NAALADL2: variants seen among roughly 807,000 people sequenced by gnomAD.
NAALADL2 encodes the protein N-acetylated alpha-linked acidic dipeptidase like 2.
NAALADL2 carries 76 observed loss-of-function variants against 87.2 expected under a neutral mutation model. The ratio of observed to expected loss-of-function variants is 0.87; its 90% CI spans 0.72 to 1.05. The LOEUF is 1.05. Ranked by LOEUF, NAALADL2 falls within the 50% of genes least tolerant of loss-of-function variation. The pLI, the probability that NAALADL2 is intolerant of heterozygous loss-of-function variation, is 0.00. For synonymous variants in NAALADL2, 354 were observed against 331.0 expected (o/e 1.07, Z -0.75); for missense variants, 1,089 against 945.8 (o/e 1.15, Z -1.99).
intron 3 of NAALADL2, among the ~76,000 whole-genome samples, chr3:175,249,189 G>T (rs1325820648): frequency 6.6e-6 from 1 of 151,904 alleles, no homozygotes; most frequent in Non-Finnish European, 1.5e-5. Context: ...TATTAATAAG[G>T]TAGACACTTT....
intron 1 of NAALADL2, chr3:175,059,831 G>T: frequency 3.2e-6 from 1 of 311,314 alleles, no homozygotes; most frequent in Non-Finnish European, 6.5e-6. Flanking sequence ...TGGAAGGCTG[G>T]CCTTTTCTTT....
At chr3:175,025,567 G>A (rs1752127013) in intron 1 of NAALADL2, among the ~76,000 whole-genome samples, 1 of 152,068 alleles carries the variant, frequency 6.6e-6, no homozygotes, top group Non-Finnish European at 1.5e-5. Flanking sequence ...ATCAAAGAAA[G>A]TACCTTCAAA....
chr3:175,313,618 A>G (rs1758666367), intron 4 of NAALADL2, among the ~76,000 whole-genome samples: 1 of 152,222 alleles, frequency 6.6e-6, no homozygotes, highest in Non-Finnish European at 1.5e-5. Context: ...ACGAAATCCT[A>G]CCTGTGGAAT....
At chr3:175,218,068 AT>A (rs1366688502) in intron 2 of NAALADL2, 2 of 424,824 alleles carry the variant, frequency 4.7e-6, no homozygotes, top group Non-Finnish European at 9.3e-6. Context: ...TTTTGGCTAA[AT>A]TTTTAGGATA....
intron 5 of NAALADL2, among the ~76,000 whole-genome samples, chr3:175,354,062 C>A (rs1455859834): frequency 6.6e-6 from 1 of 152,148 alleles, no homozygotes; most frequent in Non-Finnish European, 1.5e-5. Context: ...ACCTGTGTCC[C>A]ATCTTCACTC....
In NAALADL2 at chr3:175,794,149, A is replaced by C. The variant is rs149044910; in HGVS notation, c.2190-8856A>C. Among the ~76,000 whole-genome samples the C allele has an allele frequency of 1.2e-3, 189 of 152,322 alleles. 2 individuals are homozygous for C. Among genetic ancestry groups the C allele is most frequent in the Admixed American group, 9.0e-3 (138 of 15,296 alleles). Reference sequence around the variant, plus strand: ...CTGGAGTGCAGATGAAACGAAATGCATCTTTATATTAATTGTCAAAAGCCT... The same window carrying C: ...CTGGAGTGCAGATGAAACGAAATGCCTCTTTATATTAATTGTCAAAAGCCT... On this transcript the variant is annotated intron_variant, in intron 13 of 13. Transcript: ENST00000454872.
At chr3:174,473,577 T>A (rs1717038326) in intron 1 of NAALADL2, among the ~76,000 whole-genome samples, 1 of 152,202 alleles carries the variant, frequency 6.6e-6, no homozygotes, top group Non-Finnish European at 1.5e-5. Context: ...AGATATAATA[T>A]GCCTAAACAT....
At chr3:174,732,945 A>C (rs1038215476) in intron 2 of NAALADL2, among the ~76,000 whole-genome samples, 1 of 152,210 alleles carries the variant, frequency 6.6e-6, no homozygotes, top group African/African-American at 2.4e-5. Context: ...GTATTAAGCC[A>C]CCATCAGAAT....
At chr3:175,428,794 C>T (rs1717250119) in intron 5 of NAALADL2, among the ~76,000 whole-genome samples, 2 of 152,046 alleles carry the variant, frequency 1.3e-5, no homozygotes, top group Admixed American at 1.3e-4. Context: ...CATAAACAAG[C>T]TTTCAAAACC....
At chr3:175,441,278 T>C (rs997052182) in intron 5 of NAALADL2, among the ~76,000 whole-genome samples, 8 of 152,158 alleles carry the variant, frequency 5.3e-5, no homozygotes, top group African/African-American at 1.9e-4. Context: ...AATTAAATGA[T>C]ATGTAGGCAT....
chr3:174,806,903 A>T (rs1478704807), intron 3 of NAALADL2, among the ~76,000 whole-genome samples: 2 of 152,148 alleles, frequency 1.3e-5, no homozygotes, highest in African/African-American at 2.4e-5. Flanking sequence ...TTAGGTCCTT[A>T]TAGCCATCTA....
chr3:175,126,257 AG>A (rs1286228313), intron 2 of NAALADL2, among the ~76,000 whole-genome samples: 1 of 152,166 alleles, frequency 6.6e-6, no homozygotes, highest in Non-Finnish European at 1.5e-5. Flanking sequence ...CGATTGACTT[AG>A]GAAAAAAAGC....
At chr3:175,108,080 G>A (rs1362366171) in intron 2 of NAALADL2, among the ~76,000 whole-genome samples, 2 of 151,756 alleles carry the variant, frequency 1.3e-5, no homozygotes, top group Non-Finnish European at 2.9e-5. Context: ...TGTTATATCT[G>A]GGTCTTTTAC....
At chr3:175,541,702 G>T (rs548449752) in intron 9 of NAALADL2, among the ~76,000 whole-genome samples, 34 of 152,128 alleles carry the variant, frequency 2.2e-4, no homozygotes, top group Non-Finnish European at 4.1e-4. Flanking sequence ...ATATTTGTGT[G>T]CAGTTGTTTG....
At chr3:175,774,429 T>C (rs936494941) in intron 13 of NAALADL2, among the ~76,000 whole-genome samples, 1 of 152,058 alleles carries the variant, frequency 6.6e-6, no homozygotes, top group East Asian at 1.9e-4. Flanking sequence ...TAAACAAAAA[T>C]TTTTTAAATC....
intron 2 of NAALADL2, among the ~76,000 whole-genome samples, chr3:175,124,859 C>T (rs1274139625): frequency 6.6e-6 from 1 of 151,812 alleles, no homozygotes; most frequent in Non-Finnish European, 1.5e-5. Flanking sequence ...TCATATGGAA[C>T]TTAAAGGTTA....
At position 174,940,425 on chromosome 3, in the gene NAALADL2, A is replaced by T. The variant is rs541793713; in HGVS notation, c.43+80975A>T. Among the ~76,000 whole-genome samples, 29 of 152,264 alleles carry T rather than the reference A, an allele frequency of 1.9e-4. No individual in the cohort carries two copies. The East Asian group carries it at 5.6e-3, about 29-fold the overall frequency. ...GATTCGGTATGCAAGTATCTTGTCA[A>T]GAATTTTTGCATCTGTGTTCATCCA... On this transcript the variant is annotated intron_variant, in intron 1 of 13. Transcript: ENST00000454872.
At chr3:175,748,675 A>T (rs975294306) in intron 12 of NAALADL2, among the ~76,000 whole-genome samples, 2 of 152,226 alleles carry the variant, frequency 1.3e-5, no homozygotes, top group African/African-American at 4.8e-5. Flanking sequence ...TTAATTTAAA[A>T]TAAAATTGAA....
At chr3:174,466,922 T>G (rs1433721159) in intron 1 of NAALADL2, among the ~76,000 whole-genome samples, 2 of 152,214 alleles carry the variant, frequency 1.3e-5, no homozygotes, top group Non-Finnish European at 2.9e-5. Flanking sequence ...GGTGAAGTTA[T>G]GATTCCTTTT....
Sources: allele counts gnomAD v4.1 joint callset (sites outside exome capture counted in the v4.1 genomes callset), GRCh38; gene constraint gnomAD v4.1.1; transcripts MANE v1.5; gene names NCBI Gene and HGNC (gene_info 2026-07-23, HGNC 2026-07-21).